CHLSN: variants seen among roughly 807,000 people sequenced by gnomAD.
The protein encoded by CHLSN is protein cholesin.
the CHLSN span, among the ~76,000 whole-genome samples, chr7:1,046,292 G>A: frequency 6.6e-6 from 1 of 152,220 alleles, no homozygotes; most frequent in African/African-American, 2.4e-5. Flanking sequence ...ACCACAGCGA[G>A]GTCTTGCCTT....
At chr7:1,115,591 G>C in the CHLSN span, among the ~76,000 whole-genome samples, 1 of 131,230 alleles carries the variant, frequency 7.6e-6, no homozygotes, top group African/African-American at 2.8e-5. Context: ...CAGGCAGGAT[G>C]GCATCACTAC....
the CHLSN span, among the ~76,000 whole-genome samples, chr7:1,082,559 C>A: frequency 2.0e-5 from 3 of 152,220 alleles, no homozygotes; most frequent in South Asian, 6.2e-4. Context: ...ATGGGCCACG[C>A]ACCACACTCT....
chr7:1,033,089 C>T, the CHLSN span, among the ~76,000 whole-genome samples: 1 of 152,224 alleles, frequency 6.6e-6, no homozygotes, highest in Non-Finnish European at 1.5e-5. Flanking sequence ...CAGCCCAGCT[C>T]GGTCTGTGAA....
chr7:1,016,984 GCACAGCAGCGCACAGGAGCA>G, the CHLSN span, among the ~76,000 whole-genome samples: 5 of 63,492 alleles, frequency 7.9e-5, no homozygotes, highest in Admixed American at 3.0e-4. Context: ...ACACACCAGC[GCACAGCAGCGCACAGGAGCA>G]CACAGCAGCA....
chr7:1,070,723 CACACAT>C, the CHLSN span, among the ~76,000 whole-genome samples: 1 of 151,722 alleles, frequency 6.6e-6, no homozygotes, highest in Non-Finnish European at 1.5e-5. Context: ...CGCACACGCG[CACACAT>C]GCACGCACAT....
the CHLSN span, among the ~76,000 whole-genome samples, chr7:1,086,567 A>T: frequency 6.6e-6 from 1 of 152,212 alleles, no homozygotes; most frequent in South Asian, 2.1e-4. Flanking sequence ...AAGACTTTAA[A>T]TTGCTATTGC....
the CHLSN span, chr7:984,486 G>A: frequency 1.3e-6 from 2 of 1,552,318 alleles, no homozygotes; most frequent in East Asian, 2.4e-5. Context: ...CGGGGTTCGA[G>A]GCGGTCAAAG....
chr7:1,061,295 G>A, the CHLSN span, among the ~76,000 whole-genome samples: 25,585 of 152,020 alleles, frequency 0.17, 2,305 homozygotes, highest in African/African-American at 0.19. Flanking sequence ...CCTGCTGCCT[G>A]GTCAGCTGTT....
At chr7:1,005,615 C>T in the CHLSN span, among the ~76,000 whole-genome samples, 1 of 152,250 alleles carries the variant, frequency 6.6e-6, no homozygotes, top group African/African-American at 2.4e-5. Context: ...CTAAGCTCCG[C>T]TGATGGGACA....
At chr7:1,056,507 A>G in the CHLSN span, 98,265 of 152,348 alleles carry the variant, frequency 0.65, 33,085 homozygotes, top group African/African-American at 0.84. Context: ...ATGCCTAGCC[A>G]CAGGGCCGTG....
At chr7:980,356 T>G in the CHLSN span, among the ~76,000 whole-genome samples, 1 of 152,252 alleles carries the variant, frequency 6.6e-6, no homozygotes, top group Admixed American at 6.5e-5. Flanking sequence ...CAATCAGGTC[T>G]GATCAGAACA....
At chr7:1,111,331 C>G in the CHLSN span, among the ~76,000 whole-genome samples, 1 of 152,268 alleles carries the variant, frequency 6.6e-6, no homozygotes, top group African/African-American at 2.4e-5. Flanking sequence ...AGCAGGTGTT[C>G]TGCTGCGGCC....
chr7:1,069,452 C>A, the CHLSN span, among the ~76,000 whole-genome samples: 1 of 147,860 alleles, frequency 6.8e-6, no homozygotes, highest in African/African-American at 2.5e-5. Flanking sequence ...CTCACTGCAA[C>A]CTCCCTGCCT....
chr7:1,030,183 A>G, the CHLSN span, among the ~76,000 whole-genome samples: 7 of 151,846 alleles, frequency 4.6e-5, no homozygotes, highest in Non-Finnish European at 8.8e-5. Context: ...GAACGCGCCA[A>G]CTCCGCGCAT....
the CHLSN span, among the ~76,000 whole-genome samples, chr7:1,101,086 A>G: frequency 6.6e-6 from 1 of 152,232 alleles, no homozygotes; most frequent in African/African-American, 2.4e-5. Flanking sequence ...TCCCAGTGTC[A>G]TGGTGGCCCC....
chr7:1,028,541 A>G, the CHLSN span: 1 of 984,644 alleles, frequency 1.0e-6, no homozygotes, highest in Non-Finnish European at 1.2e-6. Flanking sequence ...TCCTCCGACG[A>G]GGCTCTCTGG....
chr7:1,093,469 C>T, the CHLSN span: 1 of 468,892 alleles, frequency 2.1e-6, no homozygotes, highest in African/African-American at 2.0e-5. Context: ...CGCTGTGCGG[C>T]CTCACCAGGC....
At chr7:1,049,319 G>T in the CHLSN span, among the ~76,000 whole-genome samples, 1 of 152,226 alleles carries the variant, frequency 6.6e-6, no homozygotes, top group Non-Finnish European at 1.5e-5. Context: ...ATCATTCCAG[G>T]CCAGGGCTGG....
chr7:1,049,800 C>T, the CHLSN span, among the ~76,000 whole-genome samples: 1 of 152,184 alleles, frequency 6.6e-6, no homozygotes, highest in Non-Finnish European at 1.5e-5. Context: ...TGTTTTCGGT[C>T]AAATTTTGGG....
Sources: allele counts gnomAD v4.1 joint callset (sites outside exome capture counted in the v4.1 genomes callset), GRCh38; gene constraint gnomAD v4.1.1; transcripts MANE v1.5; gene names NCBI Gene and HGNC (gene_info 2026-07-23, HGNC 2026-07-21).